SULT1C3: variants seen among roughly 807,000 people sequenced by gnomAD.
SULT1C3 encodes sulfotransferase family 1C member 3.
In SULT1C3, 31 loss-of-function variants were observed where a neutral mutation model predicts 28.4. That is an observed-to-expected ratio of 1.09 (90% CI 0.82 to 1.47). SULT1C3 has a LOEUF of 1.47. Among genes scored for constraint, SULT1C3 ranks in the 40% most tolerant of loss-of-function variants. The pLI is 0.00. For missense variants in SULT1C3, 307 were observed against 272.5 expected, an observed-to-expected ratio of 1.13 and a Z score of -0.89; for synonymous variants, 106 against 92.2, an observed-to-expected ratio of 1.15 and a Z score of -0.86.
At chr2:108,250,717 C>T (rs1675707635) in intron 2 of SULT1C3, among the ~76,000 whole-genome samples, 1 of 151,546 alleles carries the variant, frequency 6.6e-6, no homozygotes, top group African/African-American at 2.4e-5. Flanking sequence ...CTGTTCTCAG[C>T]AATTAAAAAA....
At chr2:108,251,476 T>C (rs1279426463) in intron 2 of SULT1C3, among the ~76,000 whole-genome samples, 3 of 151,994 alleles carry the variant, frequency 2.0e-5, no homozygotes, top group Admixed American at 6.6e-5. Flanking sequence ...GTAGTATCAC[T>C]AGTAGTGAGG....
chr2:108,241,259 T>C (rs1192151762), intron 1 of SULT1C3, among the ~76,000 whole-genome samples: 1 of 152,258 alleles, frequency 6.6e-6, no homozygotes, highest in Non-Finnish European at 1.5e-5. Flanking sequence ...TTTTTCCAAT[T>C]GTGTCCTGTT....
rs1348603813 is a variant in SULT1C3, at chr2:108,255,616, C to G, written c.444C>G (p.Tyr148Ter). 1 of 1,612,018 alleles carries G rather than the reference C, an allele frequency of 6.2e-7. No individual in the cohort carries two copies. Among genetic ancestry groups the G allele is most frequent in the Admixed American group, 1.7e-5 (1 of 59,892 alleles). Residue 148 changes from tyrosine (Y) to a stop codon, truncating the protein, a stop_gained, in exon 5 of 8, where the codon TAC becomes TAG. Transcript: ENST00000681802. LOFTEE classifies it high-confidence loss of function. ...ARNPKDCLVSYYHFHRMASFM... is the reference protein window; with the variant it reads ...ARNPKDCLVS ...ATCCCAAGGATTGCCTGGTGTCCTA[C>G]TACCACTTTCACAGGATGGCTTCCT...
intron 5 of SULT1C3, among the ~76,000 whole-genome samples, chr2:108,256,743 A>ATT: frequency 6.6e-6 from 1 of 152,206 alleles, no homozygotes; most frequent in African/African-American, 2.4e-5. Flanking sequence ...ATAAAAACAG[A>ATT]TATCTGTGGA....
At chr2:108,246,007 A>C (rs1281118934) in intron 1 of SULT1C3, among the ~76,000 whole-genome samples, 1 of 152,188 alleles carries the variant, frequency 6.6e-6, no homozygotes, top group African/African-American at 2.4e-5. Context: ...TCAAAGTTCC[A>C]TAGATTTTTA....
chr2:108,256,122 G>T (rs995620558), intron 5 of SULT1C3, among the ~76,000 whole-genome samples: 3 of 151,936 alleles, frequency 2.0e-5, no homozygotes, highest in Non-Finnish European at 4.4e-5. Flanking sequence ...TTTCCCGTAG[G>T]TCACAGTGCA....
At chr2:108,254,665 C>T (rs1675815992) in intron 4 of SULT1C3, among the ~76,000 whole-genome samples, 1 of 151,362 alleles carries the variant, frequency 6.6e-6, no homozygotes, top group African/African-American at 2.4e-5. Flanking sequence ...CACCATGCCC[C>T]TCTGTCCTAA....
rs995683849 is a variant in SULT1C3, at chr2:108,242,671, T to C, written c.-8+2588T>C. Among the ~76,000 whole-genome samples the C allele has an allele frequency of 3.9e-5, 6 of 152,288 alleles. No homozygotes were observed. The East Asian group carries it at 1.2e-3, about 29-fold the overall frequency. ...AAAACATAAACAGTATATAACACAA[T>C]ACATAACAGAACAGAGTCTTTGATT... On this transcript the variant is annotated intron_variant, in intron 1 of 7. Coordinates refer to ENST00000681802, the MANE Select transcript of SULT1C3 (RefSeq NM_001320878.2).
At chr2:108,249,860 C>T (rs1297942599) in intron 2 of SULT1C3, among the ~76,000 whole-genome samples, 3 of 152,006 alleles carry the variant, frequency 2.0e-5, no homozygotes, top group South Asian at 2.1e-4. Context: ...GACTGTGATA[C>T]TGTTGATATT....
intron 3 of SULT1C3, 71 bp downstream of exon 3, chr2:108,252,564 T>A: frequency 6.4e-7 from 1 of 1,557,322 alleles, no homozygotes; most frequent in Non-Finnish European, 8.7e-7. Flanking sequence ...CTGTCTCTGA[T>A]AGAGCATCCG....
intron 2 of SULT1C3, among the ~76,000 whole-genome samples, chr2:108,249,344 A>T (rs2104385726): frequency 6.6e-6 from 1 of 152,184 alleles, no homozygotes; most frequent in African/African-American, 2.4e-5. Flanking sequence ...TTTTTCTCTG[A>T]CAGCGAAAAG....
At chr2:108,265,092 C>T, downstream of SULT1C3, 1 of 1,484,452 alleles carries the variant, frequency 6.7e-7, no homozygotes, top group Non-Finnish European at 9.1e-7. Flanking sequence ...TTTCATTCTC[C>T]ATTATTTATT....
rs952025758 is a variant in SULT1C3 at position 108,255,497 on chromosome 2, T to C, written c.400-75T>C. On this transcript the variant is annotated intron_variant, in intron 4 of 7. Coordinates refer to ENST00000681802, the MANE Select transcript of SULT1C3 (RefSeq NM_001320878.2). ...CTTATAGGATATGGTTACCATTGTA[T>C]TGAAACACTCACTTGAGTATTTCAT... 17 of 1,505,240 alleles carry C rather than the reference T, an allele frequency of 1.1e-5. No individual in the cohort carries two copies. In the Admixed American group the frequency reaches 3.0e-4, roughly 26 times the overall value. The allele number at this position is 1,505,240 out of a possible 1,614,324, so 93.2% of individuals were successfully genotyped here. A position where few individuals can be genotyped will look rare whatever the true frequency, so the allele number is the denominator to read the frequency against.
At chr2:108,263,128 A>T (rs949437015), downstream of SULT1C3, among the ~76,000 whole-genome samples, 9 of 152,106 alleles carry the variant, frequency 5.9e-5, no homozygotes, top group African/African-American at 2.2e-4. Flanking sequence ...CTCCTGTTAA[A>T]CTACTGAGGT....
intron 3 of SULT1C3, among the ~76,000 whole-genome samples, 178 bp downstream of exon 3, chr2:108,252,671 T>C (rs1406629383): frequency 6.6e-6 from 1 of 152,038 alleles, no homozygotes; most frequent in African/African-American, 2.4e-5. Flanking sequence ...CCTCCTGTTC[T>C]TAGCTGGTGG....
chr2:108,241,768 A>T (rs1011047105), intron 1 of SULT1C3, among the ~76,000 whole-genome samples: 1 of 152,148 alleles, frequency 6.6e-6, no homozygotes, highest in Non-Finnish European at 1.5e-5. Flanking sequence ...TCTAGTAAAA[A>T]TACAAAAAAT....
At chr2:108,243,486 C>G (rs879278959) in intron 1 of SULT1C3, among the ~76,000 whole-genome samples, 2 of 151,914 alleles carry the variant, frequency 1.3e-5, no homozygotes, top group Admixed American at 6.6e-5. Flanking sequence ...AAAAAATTAG[C>G]CGGGAGTGGT....
Position 108,260,151 on chromosome 2 carries a change from AC to A in SULT1C3, c.803-416del, listed in dbSNP as rs374067857. Among the ~76,000 whole-genome samples, 409 of 152,290 alleles carry A rather than the reference AC, an allele frequency of 2.7e-3. 4 individuals carry two copies. Among genetic ancestry groups the A allele is most frequent in the African/African-American group, 9.5e-3 (393 of 41,574 alleles). On this transcript the variant is annotated intron_variant, in intron 7 of 7. Transcript: ENST00000681802. ...TGGATTTACTATTTAATTTTACCCAACAAGTAATATCTTCTACAATGAGGTT... is the reference window on the plus strand; with the variant it reads ...TGGATTTACTATTTAATTTTACCCAAAAGTAATATCTTCTACAATGAGGTT...
chr2:108,264,858 T>A, downstream of SULT1C3: 1 of 1,613,082 alleles, frequency 6.2e-7, no homozygotes, highest in South Asian at 1.1e-5. Context: ...GATACTGAAG[T>A]TCCTGGAAAA....
Sources: gnomAD v4.1 joint callset for allele counts (sites outside exome capture counted in the v4.1 genomes callset) on GRCh38, gnomAD v4.1.1 for gene constraint, MANE v1.5 for transcripts, NCBI Gene and HGNC (gene_info 2026-07-23, HGNC 2026-07-21) for gene names.